Variants in RNF38 observed in about 807,000 individuals in gnomAD.
The protein encoded by RNF38 is ring finger protein 38.
A neutral mutation model predicts 67.2 loss-of-function variants in RNF38; 15 were observed. The observed-to-expected ratio is 0.22, with a 90% CI of 0.15 to 0.34. RNF38 has a LOEUF of 0.34. Ranked by LOEUF, RNF38 falls within the 10% of genes least tolerant of loss-of-function variation. RNF38 has a pLI of 1.00. For missense variants in RNF38, 524 were observed against 639.9 expected, an observed-to-expected ratio of 0.82 and a Z score of 1.95; for synonymous variants, 220 against 218.8, an observed-to-expected ratio of 1.01 and a Z score of -0.05.
intron 1 of RNF38, among the ~76,000 whole-genome samples, chr9:36,453,400 T>G (rs1475553790): frequency 1.4e-5 from 2 of 147,862 alleles, no homozygotes; most frequent in Non-Finnish European, 3.0e-5. Context: ...TTTTTTTTTT[T>G]GAGACGGAGT....
intron 2 of RNF38, among the ~76,000 whole-genome samples, chr9:36,417,051 C>T (rs564438631): frequency 2.6e-5 from 4 of 152,234 alleles, no homozygotes; most frequent in African/African-American, 9.6e-5. Context: ...TGGGAGCCAC[C>T]GCGCCTGGCC....
intron 1 of RNF38, among the ~76,000 whole-genome samples, chr9:36,424,861 G>A (rs995477869): frequency 6.6e-6 from 1 of 152,210 alleles, no homozygotes; most frequent in African/African-American, 2.4e-5. Flanking sequence ...CAGAGAGGCT[G>A]ACCCACACAA....
chr9:36,438,007 G>A (rs532846711), intron 1 of RNF38, among the ~76,000 whole-genome samples: 4 of 152,272 alleles, frequency 2.6e-5, no homozygotes, highest in East Asian at 3.9e-4. Flanking sequence ...GTGCAGTGGC[G>A]CAATCACAGC....
chr9:36,446,991 G>GT (rs1839323213), intron 1 of RNF38, among the ~76,000 whole-genome samples: 1 of 151,310 alleles, frequency 6.6e-6, no homozygotes, highest in Non-Finnish European at 1.5e-5. Flanking sequence ...GCTGGGTGTG[G>GT]TGGCGGATGC....
At chr9:36,418,657 G>A (rs1009181757) in intron 2 of RNF38, among the ~76,000 whole-genome samples, 1 of 152,022 alleles carries the variant, frequency 6.6e-6, no homozygotes, top group Non-Finnish European at 1.5e-5. Context: ...GTGGTGGTAC[G>A]CGCCTGTAAT....
intron 1 of RNF38, among the ~76,000 whole-genome samples, chr9:36,426,140 CT>C (rs1838764861): frequency 6.6e-6 from 1 of 152,198 alleles, no homozygotes; most frequent in Admixed American, 6.5e-5. Context: ...AGAAAATTCT[CT>C]TTCAGAATCG....
At chr9:36,355,173 T>C (rs889238624) in intron 6 of RNF38, among the ~76,000 whole-genome samples, 3 of 152,210 alleles carry the variant, frequency 2.0e-5, no homozygotes, top group African/African-American at 7.2e-5. Context: ...AGCAGCCTCT[T>C]TGGTACCCAG....
At chr9:36,378,698 A>G (rs1027072558) in intron 2 of RNF38, among the ~76,000 whole-genome samples, 7 of 152,168 alleles carry the variant, frequency 4.6e-5, no homozygotes, top group African/African-American at 1.7e-4. Context: ...AAACCTTTAT[A>G]TATTTTCAGT....
chr9:36,420,532 C>CCAAAAAAAAAAAAAAAAAA (rs1838595811), intron 2 of RNF38, among the ~76,000 whole-genome samples: 2 of 73,408 alleles, frequency 2.7e-5, no homozygotes, highest in East Asian at 8.2e-4. Context: ...ACTCTGTCTC[C>CCAAAAAAAAAAAAAAAAAA]AAAAAAAAAA....
chr9:36,368,408 C>G (rs1835132500), intron 4 of RNF38, among the ~76,000 whole-genome samples: 1 of 152,148 alleles, frequency 6.6e-6, no homozygotes. Context: ...AGCACTTACC[C>G]TACAAGCCTA....
chr9:36,425,189 T>C (rs551106330), intron 1 of RNF38, among the ~76,000 whole-genome samples: 1 of 152,344 alleles, frequency 6.6e-6, no homozygotes, highest in African/African-American at 2.4e-5. Flanking sequence ...TTTTAAAAAC[T>C]ACCTTCCAAT....
intron 1 of RNF38, among the ~76,000 whole-genome samples, chr9:36,435,396 A>C (rs1274797142): frequency 3.3e-5 from 5 of 152,204 alleles, no homozygotes; most frequent in Non-Finnish European, 7.3e-5. Flanking sequence ...TTTTTAAATG[A>C]GATGTGACCT....
At chr9:36,439,557 C>A (rs1839146060) in intron 1 of RNF38, among the ~76,000 whole-genome samples, 1 of 152,132 alleles carries the variant, frequency 6.6e-6, no homozygotes, top group Non-Finnish European at 1.5e-5. Flanking sequence ...GTAATCCCAG[C>A]ACTTCGGGAG....
chr9:36,430,791 A>C (rs1838913270), intron 1 of RNF38, among the ~76,000 whole-genome samples: 1 of 151,932 alleles, frequency 6.6e-6, no homozygotes, highest in Admixed American at 6.6e-5. Flanking sequence ...TTGAGGAGAG[A>C]TAAAGAGAAT....
At chr9:36,422,846 A>G in intron 2 of RNF38, among the ~76,000 whole-genome samples, 1 of 152,218 alleles carries the variant, frequency 6.6e-6, no homozygotes, top group East Asian at 1.9e-4. Context: ...AAAGATTAAT[A>G]AATTAGAAAA....
chr9:36,438,769 TGA>T (rs1196575462), intron 1 of RNF38, among the ~76,000 whole-genome samples: 4 of 152,234 alleles, frequency 2.6e-5, no homozygotes, highest in South Asian at 4.1e-4. Flanking sequence ...GCTGAATAGG[TGA>T]GAGACTTGAC....
chr9:36,400,954 G>T (rs1487710085), upstream of RNF38: 4 of 981,360 alleles, frequency 4.1e-6, no homozygotes, highest in Non-Finnish European at 4.8e-6. Context: ...GGCGATCACA[G>T]ACCCGGGCTC....
intron 1 of RNF38, among the ~76,000 whole-genome samples, chr9:36,471,097 A>G (rs1473851105): frequency 6.6e-6 from 1 of 152,140 alleles, no homozygotes; most frequent in African/African-American, 2.4e-5. Flanking sequence ...TGCTTTTTTA[A>G]GGCACTTCCA....
chr9:36,337,914 G>A lies in RNF38; in HGVS notation c.*1838C>T, dbSNP rs1452164406. The A allele has an allele frequency of 6.6e-6, 1 of 152,562 alleles. No homozygotes were observed. The allele number at this position is 152,562 out of a possible 1,614,324, so 9.5% of individuals were successfully genotyped here. ...ATAGAGGCAACAATGTCTCGCAAAG[G>A]GCAAAATTGTGCTTCTGTGAATTGA... On this transcript the variant is annotated 3_prime_UTR_variant, in exon 12 of 12. Coordinates refer to ENST00000259605, the MANE Select transcript of RNF38 (RefSeq NM_022781.5).
Sources: gnomAD v4.1 joint callset for allele counts (sites outside exome capture counted in the v4.1 genomes callset) on GRCh38, gnomAD v4.1.1 for gene constraint, MANE v1.5 for transcripts, NCBI Gene and HGNC (gene_info 2026-07-23, HGNC 2026-07-21) for gene names.